The following SLC16A2 variants were observed in gnomAD, a reference collection of about 807,000 sequenced individuals.
SLC16A2 encodes solute carrier family 16 member 2.
A neutral mutation model predicts 27.2 loss-of-function variants in SLC16A2; 3 were observed. That is an observed-to-expected ratio of 0.11 (90% CI 0.05 to 0.28). SLC16A2 has a LOEUF of 0.28. Ranked by LOEUF, SLC16A2 falls within the 10% of genes least tolerant of loss-of-function variation. SLC16A2 has a pLI of 1.00. For synonymous variants in SLC16A2, 202 were observed against 187.8 expected (o/e 1.08, Z -0.62); for missense variants, 295 against 458.5 (o/e 0.64, Z 3.26).
intron 1 of SLC16A2, among the ~76,000 whole-genome samples, chrX:74,518,063 G>T (rs1225797176): frequency 9.1e-6 from 1 of 109,736 alleles, no homozygotes; most frequent in Non-Finnish European, 1.9e-5. Context: ...GCACAATTAT[G>T]AAAAAAAAAG....
intron 1 of SLC16A2, among the ~76,000 whole-genome samples, chrX:74,503,493 C>T (rs1231308298): frequency 9.0e-6 from 1 of 111,410 alleles, no homozygotes; most frequent in East Asian, 2.8e-4. Flanking sequence ...AAGATTAACC[C>T]TTGACCTTGC....
chrX:74,481,794 G>C (rs1442819967), intron 1 of SLC16A2, among the ~76,000 whole-genome samples: 2 of 106,650 alleles, frequency 1.9e-5, no homozygotes, highest in African/African-American at 6.8e-5. Context: ...TGGAATATTA[G>C]GTTATTGATT....
intron 1 of SLC16A2, among the ~76,000 whole-genome samples, chrX:74,518,678 T>G (rs1385030924): frequency 8.9e-6 from 1 of 112,276 alleles, no homozygotes; most frequent in African/African-American, 3.2e-5. Flanking sequence ...TCTCAACTTA[T>G]TAGTGATGTT....
intron 1 of SLC16A2, among the ~76,000 whole-genome samples, chrX:74,437,007 A>T (rs1928642082): frequency 8.9e-6 from 1 of 112,413 alleles, no homozygotes; most frequent in Non-Finnish European, 1.9e-5. Context: ...GCCAGCCTGT[A>T]TGCTCCTCCC....
At chrX:74,468,975 C>T (rs1327774132) in intron 1 of SLC16A2, among the ~76,000 whole-genome samples, 1 of 111,555 alleles carries the variant, frequency 9.0e-6, no homozygotes, top group East Asian at 2.8e-4. Flanking sequence ...TTATCCCCCA[C>T]TCCCCATTAC....
At chrX:74,499,393 C>G (rs1165395419) in intron 1 of SLC16A2, among the ~76,000 whole-genome samples, 1 of 110,173 alleles carries the variant, frequency 9.1e-6, no homozygotes, top group East Asian at 2.8e-4. Context: ...GAATTGGGAC[C>G]AGTTCCATAC....
chrX:74,506,929 A>T (rs1425765097), intron 1 of SLC16A2, among the ~76,000 whole-genome samples: 3 of 29,471 alleles, frequency 1.0e-4, no homozygotes, highest in African/African-American at 1.9e-4. Flanking sequence ...TTATTTATTT[A>T]TTTATTTATT....
At chrX:74,422,869 A>G (rs1279626858) in intron 1 of SLC16A2, among the ~76,000 whole-genome samples, 1 of 112,615 alleles carries the variant, frequency 8.9e-6, no homozygotes, top group African/African-American at 3.2e-5. Context: ...CACCGCCCCC[A>G]ACTTCAGCCC....
intron 1 of SLC16A2, among the ~76,000 whole-genome samples, chrX:74,517,779 A>T (rs7056656): frequency 0.039 from 4,358 of 111,648 alleles, 100 homozygotes; most frequent in Middle Eastern, 0.061. Context: ...AAGTTTCTTC[A>T]TGTCCCTCTG....
chrX:74,481,656 T>A (rs1168874471), intron 1 of SLC16A2, among the ~76,000 whole-genome samples: 2 of 109,037 alleles, frequency 1.8e-5, no homozygotes, highest in Non-Finnish European at 3.8e-5. Flanking sequence ...CAAAACCAAC[T>A]TATGATTTCA....
intron 1 of SLC16A2, among the ~76,000 whole-genome samples, chrX:74,453,934 A>G (rs1928992620): frequency 8.9e-6 from 1 of 112,057 alleles, no homozygotes; most frequent in Non-Finnish European, 1.9e-5. Flanking sequence ...ATATGCATAC[A>G]ATGTGTAATG....
intron 1 of SLC16A2, among the ~76,000 whole-genome samples, chrX:74,502,611 T>C (rs1930054765): frequency 8.9e-6 from 1 of 112,455 alleles, no homozygotes; most frequent in African/African-American, 3.2e-5. Context: ...AGCTAAACAT[T>C]GTAACACATA....
Position 74,529,361 on chromosome X carries a change from G to A in SLC16A2, c.1319G>A (p.Gly440Asp). The A allele has an allele frequency of 8.3e-7, 1 of 1,204,155 alleles. No individual in the cohort carries two copies. The highest frequency in any genetic ancestry group is 1.1e-6 in the Non-Finnish European group (1 of 891,278). The change falls in exon 5 of 6, where the codon GGC becomes GAC. Residue 440 changes from glycine (G) to aspartate (D), a missense_variant. Transcript: ENST00000587091. Reference sequence around the variant, plus strand: ...GCCCCCATTGCATTTGAGCTGGTGGGCCCAATGCAGGCCTCACAGGCCATT... The same window carrying A: ...GCCCCCATTGCATTTGAGCTGGTGGACCCAATGCAGGCCTCACAGGCCATT... ...IMAPIAFELV[G>D]PMQASQAIGY...
intron 1 of SLC16A2, among the ~76,000 whole-genome samples, chrX:74,430,711 G>A (rs890262574): frequency 8.9e-6 from 1 of 112,393 alleles, no homozygotes; most frequent in Non-Finnish European, 1.9e-5. Flanking sequence ...TGGTGGAAAT[G>A]TGAATTAGTT....
chrX:74,491,703 G>A (rs1216021984), intron 1 of SLC16A2, among the ~76,000 whole-genome samples: 2 of 112,367 alleles, frequency 1.8e-5, no homozygotes, highest in East Asian at 2.8e-4. Flanking sequence ...GATGGGAGCA[G>A]GTTATGGCTT....
rs996829023 is a variant in SLC16A2, at chrX:74,481,436, G to A, written c.431-39554G>A. Among the ~76,000 whole-genome samples the A allele has an allele frequency of 1.1e-4, 12 of 111,409 alleles. No individual in the cohort carries two copies. The East Asian group carries it at 1.1e-3, about 10-fold the overall frequency. Reference sequence around the variant, plus strand: ...TCTGTTTCTTGCATAGATTTTGGTCGTTTCTGTCTTTATAGAAATTTTTCC... The same window carrying A: ...TCTGTTTCTTGCATAGATTTTGGTCATTTCTGTCTTTATAGAAATTTTTCC... On this transcript the variant is annotated intron_variant, in intron 1 of 5. Transcript: ENST00000587091.
chrX:74,435,528 T>TATATATGTGTGTATATATATGC (rs1394418462), intron 1 of SLC16A2, among the ~76,000 whole-genome samples: 10 of 65,872 alleles, frequency 1.5e-4, no homozygotes, highest in African/African-American at 1.6e-4. Flanking sequence ...TATATATGCA[T>TATATATGTGTGTATATATATGC]ATATATATGT....
intron 1 of SLC16A2, among the ~76,000 whole-genome samples, chrX:74,434,347 G>T (rs1928583670): frequency 8.9e-6 from 1 of 112,305 alleles, no homozygotes; most frequent in Non-Finnish European, 1.9e-5. Context: ...ATAGGGTTTA[G>T]CTAAGTGGAG....
chrX:74,531,571 T>C lies in SLC16A2; in HGVS notation c.*18T>C, dbSNP rs1162672980. 2 of 1,147,519 alleles carry C rather than the reference T, an allele frequency of 1.7e-6. No homozygotes were observed. Among genetic ancestry groups the C allele is most frequent in the Non-Finnish European group, 2.4e-6 (2 of 837,956 alleles). 94.6% of individuals were successfully genotyped at this position (1,147,519 alleles called of 1,213,427 possible). ...CAATCTAATGCCTTTCTTGCCATTG[T>C]GTGCCCTTTCCCAGCTCTTCCCCTT... On this transcript the variant is annotated 3_prime_UTR_variant, in exon 6 of 6. Transcript: ENST00000587091.
Sources: gnomAD v4.1 joint callset for allele counts (sites outside exome capture counted in the v4.1 genomes callset) on GRCh38, gnomAD v4.1.1 for gene constraint, MANE v1.5 for transcripts, NCBI Gene and HGNC (gene_info 2026-07-23, HGNC 2026-07-21) for gene names.